SHLD2: variants seen among roughly 807,000 people sequenced by gnomAD.
SHLD2 encodes shieldin complex subunit 2.
Under a neutral mutation model 73.2 loss-of-function variants are expected in SHLD2, and 30 were observed. That is an observed-to-expected ratio of 0.41 (90% confidence interval 0.31 to 0.56). The LOEUF is 0.56. SHLD2 is among the 20% of genes least tolerant of loss of function. The probability of loss-of-function intolerance (pLI) is 0.28; values close to 1 mark genes in which losing one functional copy is unlikely to be tolerated. For synonymous variants in SHLD2, 285 were observed against 370.1 expected, an observed-to-expected ratio of 0.77 and a Z score of 2.64; for missense variants, 745 against 1,055.9, an observed-to-expected ratio of 0.71 and a Z score of 4.08.
intron 9 of SHLD2, among the ~76,000 whole-genome samples, chr10:87,188,606 C>CATA (rs1371381594): frequency 5.5e-4 from 83 of 152,252 alleles, no homozygotes; most frequent in African/African-American, 1.8e-3. Context: ...CTGACACTGG[C>CATA]AGTTCATTGG....
At chr10:87,188,583 G>A (rs989885510) in intron 9 of SHLD2, among the ~76,000 whole-genome samples, 1 of 152,186 alleles carries the variant, frequency 6.6e-6, no homozygotes, top group Non-Finnish European at 1.5e-5. Flanking sequence ...GGATGCAGAT[G>A]TTCCTTATGT....
In SHLD2 at chr10:87,110,802, A is replaced by G. The variant is rs186752160; in HGVS notation, c.-6+13813A>G. Reference sequence around the variant, plus strand: ...GGCAGGTTTCTTAAATATGACTCCAAAAGTGCAAAAGAACAAATAGATAAA... The same window carrying G: ...GGCAGGTTTCTTAAATATGACTCCAGAAGTGCAAAAGAACAAATAGATAAA... On this transcript the variant is annotated intron_variant, in intron 2 of 9. Transcript: ENST00000298786. 2.0e-4 allele frequency among the ~76,000 whole-genome samples: 31 copies of G among 151,982 alleles called. No homozygotes were observed. The East Asian group carries it at 4.2e-3, about 21-fold the overall frequency.
chr10:87,099,995 A>G (rs1398285203), intron 2 of SHLD2, among the ~76,000 whole-genome samples: 3 of 151,746 alleles, frequency 2.0e-5, no homozygotes, highest in Non-Finnish European at 4.4e-5. Context: ...GTTTTTTTTT[A>G]ATATGTTCTA....
At chr10:87,118,816 GC>G (rs1564582881) in intron 2 of SHLD2, among the ~76,000 whole-genome samples, 1 of 151,546 alleles carries the variant, frequency 6.6e-6, no homozygotes, top group East Asian at 1.9e-4. Context: ...GAAAATGACA[GC>G]TGTGTAGTGC....
intron 2 of SHLD2, among the ~76,000 whole-genome samples, chr10:87,130,429 C>T (rs7342060): frequency 0.028 from 4,271 of 151,054 alleles, 223 homozygotes; most frequent in African/African-American, 0.098. Context: ...AAGCCTCCCC[C>T]GCACCAATGT....
At chr10:87,156,130 G>A (rs889195992) in intron 3 of SHLD2, among the ~76,000 whole-genome samples, 22 of 149,848 alleles carry the variant, frequency 1.5e-4, no homozygotes, top group African/African-American at 4.7e-4. Context: ...GCAGTGGCGC[G>A]ATCTCGGCTC....
chr10:87,188,568 T>G (rs1338237435), intron 9 of SHLD2, among the ~76,000 whole-genome samples: 1 of 152,216 alleles, frequency 6.6e-6, no homozygotes, highest in Non-Finnish European at 1.5e-5. Context: ...TGGAAGAGCC[T>G]GTGAGGATGC....
At chr10:87,132,862 ATTGTTATAGTATTTTATTGAGC>A (rs1379216302) in intron 2 of SHLD2, among the ~76,000 whole-genome samples, 1 of 152,220 alleles carries the variant, frequency 6.6e-6, no homozygotes, top group African/African-American at 2.4e-5. Flanking sequence ...TGAGATAATA[ATTGTTATAGTATTTTATTGAGC>A]TTTTATTGGG....
intron 2 of SHLD2, among the ~76,000 whole-genome samples, chr10:87,125,042 C>T (rs1015989973): frequency 6.6e-6 from 1 of 152,114 alleles, no homozygotes; most frequent in African/African-American, 2.4e-5. Flanking sequence ...CATGCCTGTC[C>T]TATGAAGTCA....
chr10:87,099,805 T>G (rs962958972), intron 2 of SHLD2, among the ~76,000 whole-genome samples: 4 of 152,200 alleles, frequency 2.6e-5, no homozygotes, highest in African/African-American at 9.7e-5. Flanking sequence ...GTTATGTGTG[T>G]TTTTTATTAT....
intron 2 of SHLD2, among the ~76,000 whole-genome samples, chr10:87,137,269 G>T (rs1844861487): frequency 6.6e-6 from 1 of 152,038 alleles, no homozygotes; most frequent in South Asian, 2.1e-4. Flanking sequence ...AAAAGATGGG[G>T]ATTTCTGTAG....
chr10:87,135,661 T>G (rs1037058388), intron 2 of SHLD2, among the ~76,000 whole-genome samples: 28 of 66,034 alleles, frequency 4.2e-4, no homozygotes, highest in African/African-American at 1.4e-3. Context: ...ACCTGGCTAA[T>G]TTTTTTTTTT....
At chr10:87,124,995 G>A (rs997224813) in intron 2 of SHLD2, among the ~76,000 whole-genome samples, 12 of 152,064 alleles carry the variant, frequency 7.9e-5, no homozygotes, top group Admixed American at 5.2e-4. Context: ...CTCCTGCCTC[G>A]GCCTCCCAAA....
At chr10:87,141,988 G>A (rs1213666312) in intron 2 of SHLD2, among the ~76,000 whole-genome samples, 4 of 148,344 alleles carry the variant, frequency 2.7e-5, no homozygotes, top group Non-Finnish European at 4.4e-5. Context: ...CTGAGATTGC[G>A]CCATCGCACT....
chr10:87,117,132 A>T (rs555974469), intron 2 of SHLD2, among the ~76,000 whole-genome samples: 1 of 152,300 alleles, frequency 6.6e-6, no homozygotes, highest in South Asian at 2.1e-4. Context: ...TTAGAACTTT[A>T]GCTGCGGCCG....
At chr10:87,097,868 T>G (rs1428219755) in intron 2 of SHLD2, among the ~76,000 whole-genome samples, 4 of 152,034 alleles carry the variant, frequency 2.6e-5, no homozygotes, top group African/African-American at 9.7e-5. Context: ...CCAGTGATTC[T>G]CCTGCCTCAG....
At chr10:87,114,017 A>G (rs1010165351) in intron 2 of SHLD2, 19 of 150,286 alleles carry the variant, frequency 1.3e-4, no homozygotes, top group Non-Finnish European at 1.3e-4. Context: ...AAAAAAAAAG[A>G]TAAATTATGG....
chr10:87,117,976 C>T (rs1843357523), intron 2 of SHLD2, among the ~76,000 whole-genome samples: 2 of 152,170 alleles, frequency 1.3e-5, no homozygotes, highest in South Asian at 4.1e-4. Context: ...TGGTAATTCA[C>T]AATGAACCTC....
rs1359347414 is a variant in SHLD2 at position 87,191,352 on chromosome 10, AAATG to A, written c.*671_*674del. 6.5e-6 allele frequency: 1 copy of A among 154,990 alleles called. No individual in the cohort carries two copies. The highest frequency in any genetic ancestry group is 1.4e-5 in the Non-Finnish European group (1 of 69,738). 9.6% of individuals were successfully genotyped at this position (154,990 alleles called of 1,614,324 possible). On this transcript the variant is annotated 3_prime_UTR_variant, in exon 10 of 10. Coordinates refer to ENST00000298786, the MANE Select transcript of SHLD2 (RefSeq NM_001330112.2). Reference sequence around the variant, plus strand: ...TGTGATTGTGGAAGAAGCTCATGTAAAATGATAGTCATTAATGAGGAAGTATGGC... The same window carrying A: ...TGTGATTGTGGAAGAAGCTCATGTAAATAGTCATTAATGAGGAAGTATGGC...
Sources: allele counts gnomAD v4.1 joint callset (sites outside exome capture counted in the v4.1 genomes callset), GRCh38; gene constraint gnomAD v4.1.1; transcripts MANE v1.5; gene names NCBI Gene and HGNC (gene_info 2026-07-23, HGNC 2026-07-21).